EPHA4: variants seen among roughly 807,000 people sequenced by gnomAD.
The protein encoded by EPHA4 is EPH receptor A4, also known as ephrin type-A receptor 4.
Under a neutral mutation model 108.3 loss-of-function variants are expected in EPHA4, and 19 were observed. The observed-to-expected ratio is 0.18, with a 90% CI of 0.12 to 0.26. The LOEUF (loss-of-function observed/expected upper bound fraction) is 0.26. Among genes scored for constraint, EPHA4 ranks in the 10% least tolerant of loss-of-function variants. The pLI, the probability that EPHA4 is intolerant of heterozygous loss-of-function variation, is 1.00. For missense variants in EPHA4, 917 were observed against 1,254.0 expected, an observed-to-expected ratio of 0.73 and a Z score of 4.06; for synonymous variants, 449 against 455.5, an observed-to-expected ratio of 0.99 and a Z score of 0.18.
At chr2:221,440,217 T>C (rs1410815789) in intron 11 of EPHA4, among the ~76,000 whole-genome samples, 1 of 152,212 alleles carries the variant, frequency 6.6e-6, no homozygotes, top group African/African-American at 2.4e-5. Flanking sequence ...TTTAATTCAG[T>C]GACAACTGCA....
At chr2:221,445,569 G>A (rs112399290) in intron 9 of EPHA4, among the ~76,000 whole-genome samples, 7,702 of 139,242 alleles carry the variant, frequency 0.055, 428 homozygotes, top group African/African-American at 0.14. Context: ...CAGCCTGGCC[G>A]ACAGAGCAAG....
chr2:221,562,296 T>G (rs527255038), intron 3 of EPHA4, among the ~76,000 whole-genome samples: 3 of 152,166 alleles, frequency 2.0e-5, no homozygotes, highest in African/African-American at 4.8e-5. Flanking sequence ...GAACATTCAC[T>G]GTTAGTTACT....
chr2:221,426,438 T>C, intron 16 of EPHA4, 26 bp downstream of exon 16: 1 of 1,573,526 alleles, frequency 6.4e-7, no homozygotes, highest in South Asian at 1.2e-5. Context: ...GATTTACCCT[T>C]TCGTGTTACA....
intron 3 of EPHA4, among the ~76,000 whole-genome samples, chr2:221,550,821 A>G (rs972850241): frequency 3.9e-5 from 6 of 152,042 alleles, no homozygotes; most frequent in Non-Finnish European, 7.4e-5. Context: ...ACAAATGCAA[A>G]GAGAGTTTAT....
At chr2:221,470,631 A>G (rs1691453940) in intron 5 of EPHA4, among the ~76,000 whole-genome samples, 1 of 123,016 alleles carries the variant, frequency 8.1e-6, no homozygotes, top group Non-Finnish European at 1.7e-5. Context: ...CTAAAGTATC[A>G]CTTTAGGGAA....
At chr2:221,508,493 CACTTGA>C (rs954200220) in intron 3 of EPHA4, among the ~76,000 whole-genome samples, 14 of 151,352 alleles carry the variant, frequency 9.2e-5, no homozygotes, top group African/African-American at 3.4e-4. Flanking sequence ...GCAGGAGAAT[CACTTGA>C]ACCCGGGAGA....
At chr2:221,443,789 A>C (rs1185795011) in intron 9 of EPHA4, among the ~76,000 whole-genome samples, 183 bp from the exon 10 acceptor site, 1 of 152,204 alleles carries the variant, frequency 6.6e-6, no homozygotes, top group Non-Finnish European at 1.5e-5. Flanking sequence ...ATTGTTAGCT[A>C]CTTAAGAGGC....
intron 3 of EPHA4, among the ~76,000 whole-genome samples, chr2:221,550,181 G>A (rs10197372): frequency 2.4e-3 from 368 of 152,278 alleles, no homozygotes; most frequent in African/African-American, 8.5e-3. Context: ...AACAAGGTCT[G>A]AGAGATAGTT....
intron 3 of EPHA4, among the ~76,000 whole-genome samples, chr2:221,546,140 C>T (rs1440460988): frequency 6.6e-6 from 1 of 152,098 alleles, no homozygotes; most frequent in Non-Finnish European, 1.5e-5. Context: ...AATGTACTGG[C>T]ATAGACACGA....
chr2:221,560,582 C>T lies in EPHA4; in HGVS notation c.823+3149G>A, dbSNP rs141026501. Among the ~76,000 whole-genome samples, 19 of 152,266 alleles carry T rather than the reference C, an allele frequency of 1.2e-4. No homozygotes were observed. The East Asian group carries it at 3.5e-3, about 28-fold the overall frequency. On this transcript the variant is annotated intron_variant, in intron 3 of 17. Coordinates refer to ENST00000281821, the MANE Select transcript of EPHA4 (RefSeq NM_004438.5). The stretch of plus-strand genomic sequence containing the variant: ...TTCCTTCTACTATTTCAACTCAACG[C>T]TCTTAAAAGTCAATAGCTATGACCT...
chr2:221,541,163 T>C (rs1401642), intron 3 of EPHA4, among the ~76,000 whole-genome samples: 10 of 152,012 alleles, frequency 6.6e-5, no homozygotes, highest in Non-Finnish European at 1.5e-4. Flanking sequence ...TTGCTTAGGG[T>C]GGCCTTGAAC....
intron 5 of EPHA4, among the ~76,000 whole-genome samples, chr2:221,469,934 G>T (rs945400626): frequency 6.6e-6 from 1 of 152,132 alleles, no homozygotes; most frequent in Non-Finnish European, 1.5e-5. Context: ...TCCAAAACAT[G>T]TCATGGTGAC....
chr2:221,499,592 G>T (rs1172846430), intron 4 of EPHA4, among the ~76,000 whole-genome samples: 2 of 149,764 alleles, frequency 1.3e-5, no homozygotes, highest in African/African-American at 4.9e-5. Context: ...TTGCCCAGTG[G>T]CCCAAAGTGC....
At chr2:221,502,429 A>G (rs1332645544) in intron 3 of EPHA4, 1 of 459,184 alleles carries the variant, frequency 2.2e-6, no homozygotes, top group Admixed American at 2.4e-5. Flanking sequence ...ACTTGTCTAT[A>G]CTATCAGAAA....
chr2:221,533,062 G>A (rs1693565348), intron 3 of EPHA4: 1 of 152,144 alleles, frequency 6.6e-6, no homozygotes. Context: ...AGTTGGAACA[G>A]GGAGATGATT....
chr2:221,493,693 T>G lies in EPHA4; in HGVS notation c.979+7324A>C, dbSNP rs138991296. On this transcript the variant is annotated intron_variant, in intron 4 of 17. Transcript: ENST00000281821. ...AGTAATAGAACTGAAATGGTAATTT[T>G]AAAACAATACACTTTCTGGGAGGAA... 5.6e-3 allele frequency among the ~76,000 whole-genome samples: 850 copies of G among 152,306 alleles called. 8 individuals are homozygous for G. The highest frequency in any genetic ancestry group is 0.019 in the African/African-American group (804 of 41,570).
At chr2:221,522,367 G>A (rs936468939) in intron 3 of EPHA4, among the ~76,000 whole-genome samples, 9 of 152,190 alleles carry the variant, frequency 5.9e-5, no homozygotes, top group African/African-American at 1.9e-4. Flanking sequence ...AACTGCACAG[G>A]GAAGTGACAA....
intron 5 of EPHA4, among the ~76,000 whole-genome samples, chr2:221,476,047 C>T (rs1027834636): frequency 2.6e-5 from 4 of 152,138 alleles, no homozygotes; most frequent in African/African-American, 9.7e-5. Flanking sequence ...TGGAAAACCC[C>T]ATCTCTACTA....
intron 5 of EPHA4, among the ~76,000 whole-genome samples, chr2:221,481,180 A>G (rs145050943): frequency 2.0e-5 from 3 of 152,314 alleles, no homozygotes; most frequent in East Asian, 1.9e-4. Flanking sequence ...CTAGAAACCT[A>G]GATTTTCAAA....
Sources: allele counts gnomAD v4.1 joint callset (sites outside exome capture counted in the v4.1 genomes callset), GRCh38; gene constraint gnomAD v4.1.1; transcripts MANE v1.5; gene names NCBI Gene and HGNC (gene_info 2026-07-23, HGNC 2026-07-21).